Variants in FBXW11 observed in about 807,000 individuals in gnomAD.
FBXW11 encodes F-box/WD repeat-containing protein 11.
In FBXW11, 19 loss-of-function variants were observed where a neutral mutation model predicts 77.6. That is an observed-to-expected ratio of 0.24 (90% CI 0.17 to 0.36). The LOEUF (loss-of-function observed/expected upper bound fraction) is 0.36, where lower values mean the gene tolerates loss of function less well. Ranked by LOEUF, FBXW11 falls within the 10% of genes least tolerant of loss-of-function variation. The pLI is 1.00. For synonymous variants in FBXW11, 235 were observed against 249.4 expected, an observed-to-expected ratio of 0.94 and a Z score of 0.54; for missense variants, 334 against 704.2, an observed-to-expected ratio of 0.47 and a Z score of 5.95.
At chr5:171,981,292 C>G (rs1019651389) in intron 1 of FBXW11, among the ~76,000 whole-genome samples, 1 of 152,150 alleles carries the variant, frequency 6.6e-6, no homozygotes, top group African/African-American at 2.4e-5. Context: ...CTACATACCT[C>G]TTAGTCTGAC....
chr5:171,873,883 G>A (rs769595375), intron 9 of FBXW11, among the ~76,000 whole-genome samples: 1 of 152,102 alleles, frequency 6.6e-6, no homozygotes, highest in Non-Finnish European at 1.5e-5. Flanking sequence ...GTAGCTGAAT[G>A]GGATAGATAA....
chr5:171,972,388 C>T (rs1033377110), intron 1 of FBXW11, among the ~76,000 whole-genome samples: 2 of 149,126 alleles, frequency 1.3e-5, no homozygotes, highest in African/African-American at 4.9e-5. Flanking sequence ...CTGGTCCCAG[C>T]TACTAGGGAA....
At chr5:171,878,887 T>C (rs1758314315) in intron 7 of FBXW11, among the ~76,000 whole-genome samples, 2 of 152,100 alleles carry the variant, frequency 1.3e-5, no homozygotes, top group African/African-American at 4.8e-5. Flanking sequence ...GTTTTACAAA[T>C]GCATACCCCT....
intron 1 of FBXW11, among the ~76,000 whole-genome samples, chr5:171,958,863 TG>T (rs1320792003): frequency 6.6e-6 from 1 of 152,194 alleles, no homozygotes; most frequent in Non-Finnish European, 1.5e-5. Flanking sequence ...TAAACTTGTT[TG>T]TTCTAGCTAT....
In FBXW11 at chr5:171,876,393, C is replaced by T. The variant is rs750181953; in HGVS notation, c.1113G>A (p.Ala371=). 6 of 1,614,060 alleles carry T rather than the reference C, an allele frequency of 3.7e-6. No individual in the cohort carries two copies. In the South Asian group the frequency reaches 4.4e-5, roughly 12 times the overall value. ...GGACACGGCGTAAAGTGATGTCGGT[C>T]GCAGAAGCCATGTCCCACACAGCAA... ...RSIAVWDMAS[A]TDITLRRVLV... Residue 371 remains alanine, a synonymous_variant, in exon 9 of 14, where the codon GCG becomes GCA. Coordinates refer to ENST00000517395, the MANE Select transcript of FBXW11 (RefSeq NM_001378974.1). The surrounding 1 kb of genome is among the most constrained non-coding windows in gnomAD (Gnocchi z 4.2).
Position 171,873,151 on chromosome 5 carries a change from A to G in FBXW11, c.1222-161T>C, listed in dbSNP as rs117350095. Among the ~76,000 whole-genome samples, 269 of 152,330 alleles carry G rather than the reference A, an allele frequency of 1.8e-3. 2 individuals carry two copies. Among genetic ancestry groups the G allele is most frequent in the East Asian group, 0.013 (68 of 5,184 alleles). Reference sequence around the variant, plus strand: ...GTTGGGAGGCTGGGGGGCAGACTAGACAGCATAAAATTTTCTTGGCTGCTG... The same window carrying G: ...GTTGGGAGGCTGGGGGGCAGACTAGGCAGCATAAAATTTTCTTGGCTGCTG... On this transcript the variant is annotated intron_variant, in intron 9 of 13. Coordinates refer to ENST00000517395, the MANE Select transcript of FBXW11 (RefSeq NM_001378974.1).
At chr5:171,927,680 A>G (rs772995875) in intron 2 of FBXW11, among the ~76,000 whole-genome samples, 5 of 152,180 alleles carry the variant, frequency 3.3e-5, no homozygotes, top group Non-Finnish European at 7.4e-5. Context: ...ACATCATTGT[A>G]GTTCTACGTT....
chr5:171,914,680 C>T (rs1434833997), intron 2 of FBXW11, among the ~76,000 whole-genome samples: 2 of 152,274 alleles, frequency 1.3e-5, no homozygotes, highest in South Asian at 2.1e-4. Flanking sequence ...GGGAGTAAGG[C>T]TGAGGCTCAA....
chr5:171,965,554 A>G (rs1389070065), intron 1 of FBXW11, among the ~76,000 whole-genome samples: 1 of 151,532 alleles, frequency 6.6e-6, no homozygotes, highest in East Asian at 1.9e-4. Flanking sequence ...AAAAAAAGAT[A>G]TCAGTACCCA....
In FBXW11 at chr5:171,914,818, A is replaced by C. The variant is rs188605636; in HGVS notation, c.148-413T>G. ...AATGCACCCCAAGGAATCCGCAATTAGAAGTAGCAAAGCCTTGGAAGCCCC... is the reference window on the plus strand; with the variant it reads ...AATGCACCCCAAGGAATCCGCAATTCGAAGTAGCAAAGCCTTGGAAGCCCC... On this transcript the variant is annotated intron_variant, in intron 2 of 13. Coordinates refer to ENST00000517395, the MANE Select transcript of FBXW11 (RefSeq NM_001378974.1). Among the ~76,000 whole-genome samples, 430 of 152,328 alleles carry C rather than the reference A, an allele frequency of 2.8e-3. 1 individual carries two copies. Among genetic ancestry groups the C allele is most frequent in the African/African-American group, 9.8e-3 (408 of 41,576 alleles).
intron 1 of FBXW11, among the ~76,000 whole-genome samples, chr5:171,985,305 T>A (rs566803347): frequency 1.3e-3 from 193 of 152,202 alleles, no homozygotes; most frequent in African/African-American, 4.3e-3. Flanking sequence ...TCCACCACCC[T>A]CATACCTCCT....
chr5:171,892,280 TAG>T (rs1442372182), intron 6 of FBXW11, among the ~76,000 whole-genome samples: 1 of 152,220 alleles, frequency 6.6e-6, no homozygotes, highest in African/African-American at 2.4e-5. Context: ...TGTCTGGATC[TAG>T]AGAGACACTA....
chr5:171,984,593 G>T (rs1765333247), intron 1 of FBXW11, among the ~76,000 whole-genome samples: 1 of 152,178 alleles, frequency 6.6e-6, no homozygotes, highest in South Asian at 2.1e-4. Flanking sequence ...CAGTCTAGAT[G>T]ATCATAATAT....
chr5:171,997,879 C>T (rs559605189), intron 1 of FBXW11, among the ~76,000 whole-genome samples: 1 of 152,248 alleles, frequency 6.6e-6, no homozygotes, highest in South Asian at 2.1e-4. Flanking sequence ...TTTGCTACTT[C>T]CACAATTGCT....
In FBXW11 at chr5:171,869,615, T is replaced by C. The variant is rs949052397; in HGVS notation, c.1530+114A>G. 3.0e-6 allele frequency: 2 copies of C among 659,448 alleles called. No homozygotes were observed. The highest frequency in any genetic ancestry group is 7.7e-5 in the Admixed American group (2 of 26,028). The allele number at this position is 659,448 out of a possible 1,614,324, so 40.8% of individuals were successfully genotyped here. ...AAACAAAATGAAGACTGAAATTCTC[T>C]GAAGGCATCTTGTGAGACACACAAG... On this transcript the variant is annotated intron_variant, in intron 12 of 13. Coordinates refer to ENST00000517395, the MANE Select transcript of FBXW11 (RefSeq NM_001378974.1). The surrounding 1 kb of genome is among the most constrained non-coding windows in gnomAD (Gnocchi z 4.1).
chr5:172,006,110 GA>G (rs200066002), intron 1 of FBXW11, among the ~76,000 whole-genome samples: 63 of 151,414 alleles, frequency 4.2e-4, no homozygotes, highest in African/African-American at 1.4e-3. Context: ...ACAGAGGAAA[GA>G]AAAAAAAATC....
chr5:171,924,529 C>T (rs1761779729), intron 2 of FBXW11, among the ~76,000 whole-genome samples: 1 of 152,102 alleles, frequency 6.6e-6, no homozygotes, highest in South Asian at 2.1e-4. Context: ...CCCTGCTCAC[C>T]CTCTGGTTGT....
At position 171,910,816 on chromosome 5, in the gene FBXW11, A is replaced by C; in HGVS notation, c.211-19T>G. On this transcript the variant is annotated intron_variant, in intron 3 of 13. Coordinates refer to ENST00000517395, the MANE Select transcript of FBXW11 (RefSeq NM_001378974.1). ...TACTTATCTATTTTAGAAAAACAAA[A>C]AAAAAATTAGTTTAACAAGGAAAGA... 1 of 1,488,998 alleles carries C rather than the reference A, an allele frequency of 6.7e-7. No homozygotes were observed. The highest frequency in any genetic ancestry group is 9.0e-7 in the Non-Finnish European group (1 of 1,108,714). 92.2% of individuals were successfully genotyped at this position (1,488,998 alleles called of 1,614,324 possible).
At chr5:171,928,012 T>C (rs534703268) in intron 2 of FBXW11, among the ~76,000 whole-genome samples, 1 of 152,348 alleles carries the variant, frequency 6.6e-6, no homozygotes, top group Non-Finnish European at 1.5e-5. Context: ...TTCCATCTTC[T>C]TGATATACTT....
Sources: allele counts gnomAD v4.1 joint callset (sites outside exome capture counted in the v4.1 genomes callset), GRCh38; gene constraint gnomAD v4.1.1; non-coding constraint Gnocchi (gnomAD v3.1); transcripts MANE v1.5; gene names NCBI Gene and HGNC (gene_info 2026-07-23, HGNC 2026-07-21).